ANO2: variants seen among roughly 807,000 people sequenced by gnomAD.
The protein encoded by ANO2 is anoctamin 2.
Under a neutral mutation model 124.2 loss-of-function variants are expected in ANO2, and 101 were observed. The observed-to-expected ratio is 0.81, with a 90% confidence interval of 0.69 to 0.96. The LOEUF is 0.96. ANO2 is among the 40% of genes least tolerant of loss of function. ANO2 has a pLI of 0.00. For missense variants in ANO2, 1,293 were observed against 1,274.5 expected (o/e 1.01, Z -0.22); for synonymous variants, 486 against 482.5 (o/e 1.01, Z -0.09).
intron 3 of ANO2, among the ~76,000 whole-genome samples, chr12:5,918,532 C>T (rs1414639425): frequency 2.6e-5 from 4 of 151,830 alleles, no homozygotes; most frequent in Admixed American, 6.6e-5. Context: ...CTCCACCTCC[C>T]GGGTTCAAGC....
At position 5,840,494 on chromosome 12, in the gene ANO2, C is replaced by A. The variant is rs1954480492; in HGVS notation, c.634-7891G>T. 2.0e-5 allele frequency among the ~76,000 whole-genome samples: 3 copies of A among 152,150 alleles called. 1 individual carries two copies. The South Asian group carries it at 6.2e-4, about 32-fold the overall frequency. ...TGGACAGTATACAAGGCACTGTCCCCATTTTACAGATTAAAAAACACTGAG... is the reference window on the plus strand; with the variant it reads ...TGGACAGTATACAAGGCACTGTCCCAATTTTACAGATTAAAAAACACTGAG... On this transcript the variant is annotated intron_variant, in intron 4 of 24. Coordinates refer to ENST00000682330, the MANE Select transcript of ANO2 (RefSeq NM_001364791.2).
intron 4 of ANO2, among the ~76,000 whole-genome samples, chr12:5,847,935 G>A (rs1016432508): frequency 2.0e-5 from 3 of 152,116 alleles, no homozygotes; most frequent in African/African-American, 7.2e-5. Flanking sequence ...TCAAAACATG[G>A]GTTCAACCGA....
At chr12:5,803,126 G>A (rs758960281) in intron 9 of ANO2, among the ~76,000 whole-genome samples, 1 of 152,224 alleles carries the variant, frequency 6.6e-6, no homozygotes, top group Non-Finnish European at 1.5e-5. Context: ...GAGACAGGCA[G>A]AAAGATGCTA....
chr12:5,579,670 G>C (rs2136844969), intron 20 of ANO2, among the ~76,000 whole-genome samples: 1 of 152,214 alleles, frequency 6.6e-6, no homozygotes, highest in Non-Finnish European at 1.5e-5. Flanking sequence ...GCTCCACTCT[G>C]TTCACTGAAT....
intron 3 of ANO2, among the ~76,000 whole-genome samples, chr12:5,893,640 A>G (rs1156533128): frequency 6.7e-6 from 1 of 149,940 alleles, no homozygotes; most frequent in Non-Finnish European, 1.5e-5. Flanking sequence ...TCCCTCCCCT[A>G]GCCCCCCACC....
intron 15 of ANO2, among the ~76,000 whole-genome samples, chr12:5,641,368 C>T (rs905258407): frequency 6.6e-6 from 1 of 151,648 alleles, no homozygotes; most frequent in African/African-American, 2.4e-5. Context: ...GAACTTAATG[C>T]ATAACAAAAA....
chr12:5,864,929 C>T (rs958493800), intron 3 of ANO2, among the ~76,000 whole-genome samples: 7 of 152,168 alleles, frequency 4.6e-5, no homozygotes, highest in African/African-American at 1.7e-4. Context: ...GAGAAGCATT[C>T]CCAGGCATTT....
At chr12:5,838,452 C>T (rs536383598) in intron 4 of ANO2, among the ~76,000 whole-genome samples, 4 of 152,242 alleles carry the variant, frequency 2.6e-5, no homozygotes, top group South Asian at 2.1e-4. Context: ...GGGACTCTGT[C>T]GGGGGATGGA....
intron 4 of ANO2, among the ~76,000 whole-genome samples, chr12:5,853,166 A>ATTTTTT (rs55663635): frequency 1.4e-5 from 2 of 140,060 alleles, no homozygotes; most frequent in Admixed American, 7.2e-5. Context: ...CCCTGGGTAG[A>ATTTTTT]TTTTTTTTTT....
intron 15 of ANO2, among the ~76,000 whole-genome samples, chr12:5,643,178 T>C (rs1388450147): frequency 6.6e-6 from 1 of 152,098 alleles, no homozygotes; most frequent in African/African-American, 2.4e-5. Context: ...TGATCTCCCA[T>C]CCCTGCTGCT....
chr12:5,744,563 T>C (rs891315278), intron 11 of ANO2, among the ~76,000 whole-genome samples: 2 of 152,162 alleles, frequency 1.3e-5, no homozygotes, highest in African/African-American at 4.8e-5. Context: ...CCTGGAAAGT[T>C]AGTGAGATCT....
At chr12:5,869,567 C>G (rs146965398) in intron 3 of ANO2, among the ~76,000 whole-genome samples, 1 of 152,228 alleles carries the variant, frequency 6.6e-6, no homozygotes, top group Non-Finnish European at 1.5e-5. Flanking sequence ...GTCCTTATCT[C>G]TAGGCCTCGG....
At chr12:5,875,780 A>G (rs1483609961) in intron 3 of ANO2, among the ~76,000 whole-genome samples, 2 of 151,886 alleles carry the variant, frequency 1.3e-5, no homozygotes, top group African/African-American at 4.8e-5. Context: ...GAGCAGCACA[A>G]CGTGGCCACT....
chr12:5,577,901 C>T lies in ANO2; in HGVS notation c.2439+54G>A, dbSNP rs138772112. The T allele has an allele frequency of 9.7e-5, 152 of 1,570,200 alleles. 1 individual carries two copies. In the South Asian group the frequency reaches 1.1e-3, roughly 11 times the overall value. On this transcript the variant is annotated intron_variant, in intron 22 of 24. Coordinates refer to ENST00000682330, the MANE Select transcript of ANO2 (RefSeq NM_001364791.2). ...TGGCTTCCCACTTTGAAGACCTCAG[C>T]TTCTCTGGAAGCCCTTCCCACAGAG...
intron 4 of ANO2, among the ~76,000 whole-genome samples, chr12:5,843,796 T>C (rs1270443930): frequency 2.6e-5 from 4 of 152,176 alleles, no homozygotes; most frequent in African/African-American, 4.8e-5. Context: ...CCAAACAAGA[T>C]GCTGGGCAGA....
At chr12:5,774,584 C>T (rs1470773450) in intron 10 of ANO2, among the ~76,000 whole-genome samples, 1 of 152,160 alleles carries the variant, frequency 6.6e-6, no homozygotes, top group Non-Finnish European at 1.5e-5. Flanking sequence ...GAAGAAATGC[C>T]TTGGTACAAA....
intron 9 of ANO2, among the ~76,000 whole-genome samples, chr12:5,801,463 T>C (rs1020636096): frequency 3.9e-5 from 6 of 152,222 alleles, no homozygotes; most frequent in Non-Finnish European, 7.3e-5. Context: ...AGGAAATCTG[T>C]CAAGGAGAAC....
intron 20 of ANO2, among the ~76,000 whole-genome samples, chr12:5,579,908 G>T (rs2136845468): frequency 6.6e-6 from 1 of 152,256 alleles, no homozygotes; most frequent in African/African-American, 2.4e-5. Context: ...CCACCTCCTT[G>T]GTGAAGCCCC....
intron 14 of ANO2, among the ~76,000 whole-genome samples, chr12:5,729,775 G>A (rs1364041202): frequency 6.6e-6 from 1 of 150,576 alleles, no homozygotes; most frequent in Admixed American, 6.6e-5. Context: ...ACCATCAACT[G>A]CATCGATAAA....
Sources: gnomAD v4.1 joint callset for allele counts (sites outside exome capture counted in the v4.1 genomes callset) on GRCh38, gnomAD v4.1.1 for gene constraint, MANE v1.5 for transcripts, NCBI Gene and HGNC (gene_info 2026-07-23, HGNC 2026-07-21) for gene names.